Variants in PTPN3 observed in about 807,000 individuals in gnomAD.
The protein encoded by PTPN3 is tyrosine-protein phosphatase non-receptor type 3.
PTPN3 carries 96 observed loss-of-function variants against 132.7 expected under a neutral mutation model. The observed-to-expected ratio is 0.72, with a 90% CI of 0.61 to 0.86. PTPN3 has a LOEUF of 0.86. Among genes scored for constraint, PTPN3 ranks in the 40% least tolerant of loss-of-function variants. The pLI is 0.00. For missense variants in PTPN3, 1,125 were observed against 1,159.6 expected (o/e 0.97, Z 0.43); for synonymous variants, 398 against 429.0 (o/e 0.93, Z 0.89).
At chr9:109,390,727 T>C (rs1469208687) in intron 21 of PTPN3, among the ~76,000 whole-genome samples, 2 of 152,208 alleles carry the variant, frequency 1.3e-5, no homozygotes, top group East Asian at 3.8e-4. Context: ...ACTTTTTCTT[T>C]TTGGCTTATA....
chr9:109,449,903 T>C, intron 5 of PTPN3: 1 of 985,470 alleles, frequency 1.0e-6, no homozygotes, highest in East Asian at 1.1e-4. Context: ...AACCTCCTAT[T>C]TGCACAGTTC....
At chr9:109,495,368 C>G (rs1390332051) in intron 1 of PTPN3, among the ~76,000 whole-genome samples, 1 of 152,240 alleles carries the variant, frequency 6.6e-6, no homozygotes, top group African/African-American at 2.4e-5. Flanking sequence ...CCACCACAAA[C>G]CCGGAGGGTT....
At chr9:109,474,225 T>C (rs1846525819) in intron 1 of PTPN3, among the ~76,000 whole-genome samples, 2 of 151,882 alleles carry the variant, frequency 1.3e-5, no homozygotes, top group South Asian at 4.2e-4. Flanking sequence ...CTGAGGAAAA[T>C]GACATCAGGA....
chr9:109,499,908 T>A (rs972120458), upstream of PTPN3, among the ~76,000 whole-genome samples: 1 of 151,860 alleles, frequency 6.6e-6, no homozygotes, highest in Non-Finnish European at 1.5e-5. Flanking sequence ...CGGCGCCCGC[T>A]CAGCACCACT....
rs751396665 is a variant in PTPN3, at chr9:109,379,595, C to T, written c.2703G>A (p.Val901=). The change falls in exon 26 of 26, where the codon GTG becomes GTA. Residue 901 remains valine (V), a synonymous_variant. Transcript: ENST00000374541. ...GCATTTGGACTAAACCTTCTTCATA[C>T]ACACGAAGAATCGCTTCACACACAA... is the stretch of plus-strand genomic sequence containing the variant. ...YKFVCEAILR[V]YEEGLVQMLD... 28 of 1,614,040 alleles carry T rather than the reference C, an allele frequency of 1.7e-5. No individual in the cohort carries two copies. Among genetic ancestry groups the T allele is most frequent in the Non-Finnish European group, 2.3e-5 (27 of 1,180,016 alleles).
chr9:109,463,148 A>G, intron 2 of PTPN3, 149 bp downstream of exon 2: 1 of 838,684 alleles, frequency 1.2e-6, no homozygotes, highest in Non-Finnish European at 1.7e-6. Flanking sequence ...ATTTTTAAGT[A>G]TTTCCAGTGC....
the PTPN3 span, among the ~76,000 whole-genome samples, chr9:109,515,948 C>T: frequency 6.6e-6 from 1 of 152,198 alleles, no homozygotes; most frequent in Non-Finnish European, 1.5e-5. Flanking sequence ...AACTGTATCA[C>T]TAATGAAGAC....
chr9:109,526,683 A>G, the PTPN3 span, among the ~76,000 whole-genome samples: 1 of 152,138 alleles, frequency 6.6e-6, no homozygotes, highest in Non-Finnish European at 1.5e-5. Context: ...TAAATAAATA[A>G]ATAAACAAAA....
At chr9:109,511,005 T>C in the PTPN3 span, among the ~76,000 whole-genome samples, 1 of 152,132 alleles carries the variant, frequency 6.6e-6, no homozygotes, top group Non-Finnish European at 1.5e-5. Flanking sequence ...ATCCATGTAA[T>C]CAATATCAAA....
At chr9:109,504,416 G>T in the PTPN3 span, among the ~76,000 whole-genome samples, 2 of 152,284 alleles carry the variant, frequency 1.3e-5, no homozygotes, top group Admixed American at 6.5e-5. Flanking sequence ...CTTTCCCTTG[G>T]GGTGGTCAGT....
At chr9:109,442,189 AG>A (rs1844526137) in intron 7 of PTPN3, among the ~76,000 whole-genome samples, 1 of 152,050 alleles carries the variant, frequency 6.6e-6, no homozygotes, top group African/African-American at 2.4e-5. Context: ...CTTGAACTAC[AG>A]GGGTGTACCA....
intron 1 of PTPN3, among the ~76,000 whole-genome samples, chr9:109,483,097 T>C (rs1185633508): frequency 6.6e-6 from 1 of 152,246 alleles, no homozygotes; most frequent in Non-Finnish European, 1.5e-5. Context: ...AGGTTTGCTC[T>C]TGGCTCCCAG....
chr9:109,533,776 G>A, the PTPN3 span: 1 of 1,267,968 alleles, frequency 7.9e-7, no homozygotes, highest in Non-Finnish European at 1.1e-6. Context: ...TGTAGGGCCG[G>A]CGTGGTTGAG....
rs1838821984 is a variant in PTPN3, at chr9:109,379,265, G to A, written c.*291C>T. ...CAATTGCTCCAGGATGCCGACAGGGGTGTGTGTGGTGATGTTAGGGAAGAA... is the reference window on the plus strand; with the variant it reads ...CAATTGCTCCAGGATGCCGACAGGGATGTGTGTGGTGATGTTAGGGAAGAA... On this transcript the variant is annotated 3_prime_UTR_variant, in exon 26 of 26. Coordinates refer to ENST00000374541, the MANE Select transcript of PTPN3 (RefSeq NM_002829.4). The A allele has an allele frequency of 2.8e-6, 1 of 353,572 alleles. No homozygotes were observed. Among genetic ancestry groups the A allele is most frequent in the Non-Finnish European group, 5.2e-6 (1 of 193,810 alleles). The allele number at this position is 353,572 out of a possible 1,614,324, so 21.9% of individuals were successfully genotyped here. A position where few individuals can be genotyped will look rare whatever the true frequency, so the allele number is the denominator to read the frequency against.
chr9:109,420,499 A>G lies in PTPN3; in HGVS notation c.1238T>C (p.Phe413Ser), dbSNP rs1842821829. 2 of 1,613,708 alleles carry G rather than the reference A, an allele frequency of 1.2e-6. No individual in the cohort carries two copies. Among genetic ancestry groups the G allele is most frequent in the Non-Finnish European group, 1.7e-6 (2 of 1,179,930 alleles). ...GGCCAGAGAGCCCTTGTACGTGTAA[A>G]ATACATCTTCCGTTTCCGTGATGTA... ...MTYITETEDV[F>S]YTYKGSLAPQ... The change falls in exon 14 of 26, where the codon TTT becomes TCT. Residue 413 changes from phenylalanine to serine, a missense_variant. By Grantham distance (155) the Phe-to-Ser change is radical. Transcript: ENST00000374541.
Position 109,396,224 on chromosome 9 carries a change from T to C in PTPN3, c.1954-4663A>G, listed in dbSNP as rs570230753. Among the ~76,000 whole-genome samples the C allele has an allele frequency of 4.6e-5, 7 of 152,308 alleles. No individual in the cohort carries two copies. The South Asian group carries it at 1.4e-3, about 32-fold the overall frequency. ...TGTGGGCTGCTTGGCAGTCTGGTTA[T>C]GAAACACTGCTCTGAGAAGGCGGAG... On this transcript the variant is annotated intron_variant, in intron 19 of 25. Transcript: ENST00000374541.
intron 5 of PTPN3, 169 bp from the exon 6 acceptor site, chr9:109,449,024 C>T (rs572061149): frequency 7.0e-7 from 1 of 1,421,784 alleles, no homozygotes; most frequent in Non-Finnish European, 9.1e-7. Flanking sequence ...CAAAGCTGCC[C>T]TGTCATTACT....
chr9:109,445,604 A>G (rs76665808), intron 6 of PTPN3, among the ~76,000 whole-genome samples: 11 of 149,478 alleles, frequency 7.4e-5, no homozygotes, highest in South Asian at 4.2e-4. Context: ...CTAAGAGGGG[A>G]AAAAAAAGTA....
At chr9:109,533,837 C>T in the PTPN3 span, 1 of 850,752 alleles carries the variant, frequency 1.2e-6, no homozygotes, top group East Asian at 2.4e-5. Context: ...CCCACTCTCG[C>T]TATTCTGGTA....
Sources: allele counts gnomAD v4.1 joint callset (sites outside exome capture counted in the v4.1 genomes callset), GRCh38; gene constraint gnomAD v4.1.1; transcripts MANE v1.5; gene names NCBI Gene and HGNC (gene_info 2026-07-23, HGNC 2026-07-21).